Variants in NUP153 observed in about 807,000 individuals in gnomAD.
NUP153 encodes nucleoporin 153.
NUP153 carries 27 observed loss-of-function variants against 134.6 expected under a neutral mutation model. That is an observed-to-expected ratio of 0.20 (90% confidence interval 0.15 to 0.28). The LOEUF (loss-of-function observed/expected upper bound fraction) is 0.28, where lower values mean the gene tolerates loss of function less well. NUP153 is among the 10% of genes least tolerant of loss of function. The pLI, the probability that NUP153 is intolerant of heterozygous loss-of-function variation, is 1.00. For missense variants in NUP153, 1,821 were observed against 1,731.3 expected (o/e 1.05, Z -0.92); for synonymous variants, 640 against 623.5 (o/e 1.03, Z -0.40).
intron 14 of NUP153, among the ~76,000 whole-genome samples, chr6:17,640,800 T>A (rs1477160741): frequency 6.6e-6 from 1 of 152,104 alleles, no homozygotes; most frequent in Admixed American, 6.6e-5. Context: ...TTTTTACTTT[T>A]TTGTAGACAT....
At chr6:17,629,922 C>T (rs944886891) in intron 17 of NUP153, among the ~76,000 whole-genome samples, 1 of 152,196 alleles carries the variant, frequency 6.6e-6, no homozygotes, top group African/African-American at 2.4e-5. Context: ...TACCCTTTGA[C>T]CTTGCAATTC....
chr6:17,634,410 C>T (rs1000057574), intron 16 of NUP153, among the ~76,000 whole-genome samples: 3 of 151,864 alleles, frequency 2.0e-5, no homozygotes, highest in Admixed American at 1.3e-4. Context: ...CGTATCTCCA[C>T]CCAAAGGGTG....
Position 17,687,878 on chromosome 6 carries a change from GC to G in NUP153, c.334+517del, listed in dbSNP as rs546399068. 5.3e-5 allele frequency among the ~76,000 whole-genome samples: 8 copies of G among 152,272 alleles called. No homozygotes were observed. The South Asian group carries it at 1.7e-3, about 32-fold the overall frequency. On this transcript the variant is annotated intron_variant, in intron 2 of 21. Transcript: ENST00000262077. ...GCCTGTAATCTCAGCACTTTGGAAG[GC>G]TGAGGCGGATGGATCATGAGGTCAG...
chr6:17,646,812 T>C (rs1306702134), intron 13 of NUP153, among the ~76,000 whole-genome samples: 2 of 152,014 alleles, frequency 1.3e-5, no homozygotes, highest in African/African-American at 4.8e-5. Flanking sequence ...CAATCTCGGC[T>C]CACTGCAACC....
chr6:17,645,883 TC>T (rs1226383217), intron 14 of NUP153, among the ~76,000 whole-genome samples, 183 bp downstream of exon 14: 2 of 152,172 alleles, frequency 1.3e-5, no homozygotes, highest in African/African-American at 4.8e-5. Flanking sequence ...GAGCTAAGTA[TC>T]TCTAAAGATA....
intron 17 of NUP153, among the ~76,000 whole-genome samples, chr6:17,631,465 A>ATGTG (rs1765248858): frequency 6.6e-6 from 1 of 152,216 alleles, no homozygotes; most frequent in Admixed American, 6.5e-5. Context: ...CAAATAATGT[A>ATGTG]CATTGTGCCC....
In NUP153 at chr6:17,649,152, T is replaced by C; in HGVS notation, c.1533+11A>G. 6.3e-7 allele frequency: 1 copy of C among 1,598,640 alleles called. No homozygotes were observed. Among genetic ancestry groups the C allele is most frequent in the Non-Finnish European group, 8.5e-7 (1 of 1,174,512 alleles). On this transcript the variant is annotated intron_variant, in intron 12 of 21. Transcript: ENST00000262077. ...ACAAATGTCACCTGTATTTATATAATGGTTTTGTACCTTGTTTGTTAATGC... is the reference window on the plus strand; with the variant it reads ...ACAAATGTCACCTGTATTTATATAACGGTTTTGTACCTTGTTTGTTAATGC...
intron 1 of NUP153, among the ~76,000 whole-genome samples, chr6:17,696,894 G>T (rs1420326867): frequency 1.3e-5 from 2 of 151,974 alleles, no homozygotes; most frequent in African/African-American, 4.8e-5. Context: ...CCAACATGGT[G>T]AAATACCATT....
chr6:17,663,061 T>C (rs957422467), intron 9 of NUP153, among the ~76,000 whole-genome samples: 2 of 152,148 alleles, frequency 1.3e-5, no homozygotes. Context: ...GATTACAGTG[T>C]TGTGCCAATG....
In NUP153 at chr6:17,628,605, A is replaced by G; in HGVS notation, c.3544+50T>C. 6.4e-6 allele frequency: 6 copies of G among 942,536 alleles called. No individual in the cohort carries two copies. The highest frequency in any genetic ancestry group is 7.7e-6 in the Non-Finnish European group (6 of 781,308). 58.4% of individuals were successfully genotyped at this position (942,536 alleles called of 1,614,324 possible). ...TGTCAAGGCAACTTGTAAAACGACA[A>G]CTTGTAAAAAAAAAAATAATAATAA... On this transcript the variant is annotated intron_variant, in intron 18 of 21. Coordinates refer to ENST00000262077, the MANE Select transcript of NUP153 (RefSeq NM_005124.4). This position sits in a 1 kb window ranked among gnomAD's most constrained non-coding sequence, Gnocchi z 5.4.
In NUP153 at chr6:17,637,140, G is replaced by A. The variant is rs768193257; in HGVS notation, c.2464+13C>T. On this transcript the variant is annotated intron_variant, in intron 16 of 21. Transcript: ENST00000262077. ...GTAATAAGCAAAATTACTCCATAAA[G>A]CCAAAAACATACCTGGTTTCTCAGA... is the stretch of plus-strand genomic sequence containing the variant. The A allele has an allele frequency of 2.8e-5, 45 of 1,592,628 alleles. No homozygotes were observed. In the East Asian group the frequency reaches 1.0e-3, roughly 36 times the overall value.
chr6:17,690,147 T>G (rs965682647), intron 1 of NUP153, among the ~76,000 whole-genome samples: 1 of 149,948 alleles, frequency 6.7e-6, no homozygotes, highest in African/African-American at 2.5e-5. Context: ...GGTCAGGAGA[T>G]TGAGACCATC....
chr6:17,694,982 GA>G (rs11417761), intron 1 of NUP153, among the ~76,000 whole-genome samples: 1,858 of 149,126 alleles, frequency 0.012, 40 homozygotes, highest in African/African-American at 0.042. Context: ...CTGTCTCAAG[GA>G]AAAAAAAAAA....
intron 2 of NUP153, among the ~76,000 whole-genome samples, chr6:17,678,574 CTCAG>C (rs1561898509): frequency 1.3e-5 from 2 of 152,034 alleles, no homozygotes; most frequent in African/African-American, 2.4e-5. Context: ...TAATGCTCTC[CTCAG>C]TAAGTATTTT....
chr6:17,669,837 T>C (rs1402637535), intron 5 of NUP153, among the ~76,000 whole-genome samples: 1 of 152,080 alleles, frequency 6.6e-6, no homozygotes, highest in Non-Finnish European at 1.5e-5. Context: ...CTCATGTCTG[T>C]AATCCCAGCA....
At chr6:17,652,985 C>T (rs139137833) in intron 11 of NUP153, among the ~76,000 whole-genome samples, 160 of 152,250 alleles carry the variant, frequency 1.1e-3, no homozygotes, top group African/African-American at 3.6e-3. Flanking sequence ...GCTGAGACCA[C>T]GCCATTGTAC....
At chr6:17,647,558 G>A (rs192674597) in intron 13 of NUP153, among the ~76,000 whole-genome samples, 2 of 152,310 alleles carry the variant, frequency 1.3e-5, no homozygotes, top group Admixed American at 1.3e-4. Flanking sequence ...GACACATGGA[G>A]AAGAATTAAG....
chr6:17,664,873 T>C (rs1767419528), intron 9 of NUP153, among the ~76,000 whole-genome samples: 1 of 151,732 alleles, frequency 6.6e-6, no homozygotes, highest in African/African-American at 2.4e-5. Context: ...GCCAACATAG[T>C]GAAACCCTGT....
intron 1 of NUP153, among the ~76,000 whole-genome samples, chr6:17,693,503 A>C (rs1339996045): frequency 6.6e-6 from 1 of 152,222 alleles, no homozygotes; most frequent in African/African-American, 2.4e-5. Context: ...AGAAGGTAGT[A>C]GCGTTCTGCT....
Sources: gnomAD v4.1 joint callset for allele counts (sites outside exome capture counted in the v4.1 genomes callset) on GRCh38, gnomAD v4.1.1 for gene constraint, Gnocchi (gnomAD v3.1) non-coding constraint, MANE v1.5 for transcripts, NCBI Gene and HGNC (gene_info 2026-07-23, HGNC 2026-07-21) for gene names.